Variants in AFF3 observed in about 807,000 individuals in gnomAD.
The protein encoded by AFF3 is AF4/FMR2 family member 3.
A neutral mutation model predicts 129.7 loss-of-function variants in AFF3; 32 were observed. That is an observed-to-expected ratio of 0.25 (90% CI 0.19 to 0.33). The LOEUF (loss-of-function observed/expected upper bound fraction) is 0.33, where lower values mean the gene tolerates loss of function less well. Ranked by LOEUF, AFF3 falls within the 10% of genes least tolerant of loss-of-function variation. The pLI is 1.00. For synonymous variants in AFF3, 644 were observed against 635.4 expected (o/e 1.01, Z -0.20); for missense variants, 1,373 against 1,592.0 (o/e 0.86, Z 2.34).
chr2:99,946,200 T>C (rs1337555815), intron 7 of AFF3, among the ~76,000 whole-genome samples: 1 of 150,822 alleles, frequency 6.6e-6, no homozygotes, highest in Non-Finnish European at 1.5e-5. Context: ...GGACAGGGTG[T>C]GGTGGCTCAT....
chr2:99,894,650 T>C (rs1693806532), intron 7 of AFF3, among the ~76,000 whole-genome samples: 1 of 151,522 alleles, frequency 6.6e-6, no homozygotes, highest in Admixed American at 6.6e-5. Context: ...TTTTTTTTTG[T>C]ATTTTTAGTA....
intron 14 of AFF3, among the ~76,000 whole-genome samples, chr2:99,594,840 T>C (rs748597266): frequency 2.1e-4 from 32 of 152,192 alleles, no homozygotes; most frequent in Non-Finnish European, 4.1e-4. Context: ...GAAGATGGCT[T>C]GTTTTGCATA....
chr2:99,911,969 C>G (rs922700929), intron 7 of AFF3, among the ~76,000 whole-genome samples: 8 of 152,146 alleles, frequency 5.3e-5, no homozygotes, highest in Middle Eastern at 3.2e-3. Context: ...TAATAGCTGG[C>G]AGGAGAAAGT....
intron 17 of AFF3, among the ~76,000 whole-genome samples, chr2:99,580,567 C>T (rs1425537956): frequency 6.6e-6 from 1 of 152,174 alleles, no homozygotes; most frequent in Non-Finnish European, 1.5e-5. Context: ...GACAGCCCCA[C>T]CACAAGTAAT....
chr2:99,990,757 G>A (rs1031534892), intron 7 of AFF3, among the ~76,000 whole-genome samples: 1 of 152,168 alleles, frequency 6.6e-6, no homozygotes, highest in Admixed American at 6.5e-5. Flanking sequence ...GGAAGAATAT[G>A]AGAGACCTTC....
At chr2:99,557,772 T>C (rs1292565755) in intron 22 of AFF3, among the ~76,000 whole-genome samples, 1 of 152,150 alleles carries the variant, frequency 6.6e-6, no homozygotes, top group Non-Finnish European at 1.5e-5. Context: ...TGGAAGGCAG[T>C]GTGCTGAACA....
intron 2 of AFF3, chr2:100,107,347 A>G (rs1691348119): frequency 2.0e-6 from 2 of 985,424 alleles, no homozygotes; most frequent in Non-Finnish European, 2.4e-6. Context: ...GGGTATGCAA[A>G]CCAAAACAAG....
At chr2:99,748,896 C>CA (rs1243026832) in intron 9 of AFF3, among the ~76,000 whole-genome samples, 4 of 152,166 alleles carry the variant, frequency 2.6e-5, no homozygotes, top group Non-Finnish European at 5.9e-5. Context: ...TGTTAGCTGC[C>CA]AGCCCCTGGA....
intron 14 of AFF3, among the ~76,000 whole-genome samples, chr2:99,595,340 A>C (rs1679176958): frequency 6.6e-6 from 1 of 152,198 alleles, no homozygotes; most frequent in Non-Finnish European, 1.5e-5. Context: ...TGAAATGGGG[A>C]AAGTATTTTG....
At chr2:99,558,730 C>G (rs781133972) in intron 22 of AFF3, 145 bp downstream of exon 22, 5 of 635,870 alleles carry the variant, frequency 7.9e-6, no homozygotes, top group Non-Finnish European at 1.3e-5. Context: ...CTGAAAGCCA[C>G]AAGTGTGGCA....
In AFF3 at chr2:99,745,669, G is replaced by T. The variant is rs1220018563; in HGVS notation, c.1003-1529C>A. On this transcript the variant is annotated intron_variant, in intron 9 of 24. Transcript: ENST00000672756. ...AGTAACACTCTATTAAACAACTGTT[G>T]TCAATCTCACGATGGTGGATAAAAA... Among the ~76,000 whole-genome samples, 3 of 152,150 alleles carry T rather than the reference G, an allele frequency of 2.0e-5. No homozygotes were observed. In the East Asian group the frequency reaches 5.8e-4, roughly 29 times the overall value.
intron 7 of AFF3, among the ~76,000 whole-genome samples, chr2:99,998,135 G>A (rs995204744): frequency 6.6e-6 from 1 of 152,216 alleles, no homozygotes. Flanking sequence ...CCCTGTGTGA[G>A]GTACTGTCCT....
In AFF3 at chr2:100,031,744, T is replaced by G. The variant is rs76722505; in HGVS notation, c.54-22812A>C. The stretch of plus-strand genomic sequence containing the variant: ...TTCCAGTGGCTAAAGCCAGAGTAAT[T>G]TGAGCAACACAATAAAGTAGTATTG... On this transcript the variant is annotated intron_variant, in intron 4 of 24. Coordinates refer to ENST00000672756, the MANE Select transcript of AFF3 (RefSeq NM_001386135.1). 2.5e-3 allele frequency among the ~76,000 whole-genome samples: 383 copies of G among 152,336 alleles called. 1 individual carries two copies. The highest frequency in any genetic ancestry group is 8.6e-3 in the African/African-American group (359 of 41,578).
rs187750960 is a variant in AFF3 at position 99,907,874 on chromosome 2, C to T, written c.874-70350G>A. ...TGGGTTCACTGTATCCTTTTTGTCCCACTAGAGTCTACCTTCTGATTCTCC... is the reference window on the plus strand; with the variant it reads ...TGGGTTCACTGTATCCTTTTTGTCCTACTAGAGTCTACCTTCTGATTCTCC... On this transcript the variant is annotated intron_variant, in intron 7 of 24. Transcript: ENST00000672756. Among the ~76,000 whole-genome samples the T allele has an allele frequency of 2.6e-5, 4 of 152,246 alleles. No homozygotes were observed. The East Asian group carries it at 7.7e-4, about 29-fold the overall frequency.
intron 8 of AFF3, among the ~76,000 whole-genome samples, chr2:99,780,270 T>G (rs1357397899): frequency 6.6e-6 from 1 of 152,198 alleles, no homozygotes; most frequent in South Asian, 2.1e-4. Flanking sequence ...GGGCTGATTC[T>G]CAGTTTCCCG....
At chr2:100,005,170 T>A (rs1252158448) in intron 7 of AFF3, among the ~76,000 whole-genome samples, 1 of 152,206 alleles carries the variant, frequency 6.6e-6, no homozygotes, top group Non-Finnish European at 1.5e-5. Flanking sequence ...AGGTTATTAA[T>A]GACATACCCA....
At chr2:100,050,917 A>G (rs551677703) in intron 4 of AFF3, among the ~76,000 whole-genome samples, 6 of 152,192 alleles carry the variant, frequency 3.9e-5, no homozygotes, top group Non-Finnish European at 8.8e-5. Context: ...GTCCCGCGGA[A>G]AGAAGACCTG....
At chr2:99,920,430 T>C (rs1167167773) in intron 7 of AFF3, among the ~76,000 whole-genome samples, 1 of 152,078 alleles carries the variant, frequency 6.6e-6, no homozygotes, top group Non-Finnish European at 1.5e-5. Flanking sequence ...GGAAAACTCA[T>C]GATCATTTCA....
At chr2:100,077,087 A>T (rs957589606) in intron 4 of AFF3, among the ~76,000 whole-genome samples, 7 of 152,032 alleles carry the variant, frequency 4.6e-5, no homozygotes, top group African/African-American at 1.7e-4. Flanking sequence ...TGTCTCTACT[A>T]AAAATTCAAA....
Sources: gnomAD v4.1 joint callset for allele counts (sites outside exome capture counted in the v4.1 genomes callset) on GRCh38, gnomAD v4.1.1 for gene constraint, MANE v1.5 for transcripts, NCBI Gene and HGNC (gene_info 2026-07-23, HGNC 2026-07-21) for gene names.